The following SEC14L1 variants were observed in gnomAD, a reference collection of about 807,000 sequenced individuals.
SEC14L1 encodes SEC14-like protein 1.
A neutral mutation model predicts 85.3 loss-of-function variants in SEC14L1; 48 were observed. The ratio of observed to expected loss-of-function variants is 0.56; its 90% CI spans 0.45 to 0.72. The LOEUF is 0.72. SEC14L1 is among the 30% of genes least tolerant of loss of function. SEC14L1 has a pLI of 0.00. For missense variants in SEC14L1, 682 were observed against 921.4 expected (o/e 0.74, Z 3.36); for synonymous variants, 391 against 355.5 (o/e 1.10, Z -1.12).
intron 3 of SEC14L1, among the ~76,000 whole-genome samples, chr17:77,147,367 T>C (rs1296257982): frequency 6.8e-6 from 1 of 146,458 alleles, no homozygotes; most frequent in South Asian, 2.2e-4. Flanking sequence ...TTGAGGTCAG[T>C]ACCATTAAAA....
chr17:77,143,309 A>T (rs996618335), intron 2 of SEC14L1, among the ~76,000 whole-genome samples: 1 of 152,200 alleles, frequency 6.6e-6, no homozygotes, highest in South Asian at 2.1e-4. Flanking sequence ...CAGTAAGCCA[A>T]TGAGAGGATT....
intron 3 of SEC14L1, among the ~76,000 whole-genome samples, chr17:77,124,025 G>A (rs1254377569): frequency 3.9e-5 from 6 of 152,236 alleles, no homozygotes; most frequent in Non-Finnish European, 7.3e-5. Context: ...CTCTATGAAA[G>A]CTTCTGCTCC....
At chr17:77,195,886 G>A (rs564564199) in intron 7 of SEC14L1, among the ~76,000 whole-genome samples, 1 of 151,760 alleles carries the variant, frequency 6.6e-6, no homozygotes, top group South Asian at 2.1e-4. Flanking sequence ...TTTGTGTTAT[G>A]TTCCTCTTGG....
chr17:77,144,057 T>G (rs748949483), intron 3 of SEC14L1, among the ~76,000 whole-genome samples: 1 of 152,122 alleles, frequency 6.6e-6, no homozygotes, highest in Non-Finnish European at 1.5e-5. Context: ...TTAGGTGGTG[T>G]TAGAACTGAG....
chr17:77,111,893 G>C (rs1171090508), intron 3 of SEC14L1, among the ~76,000 whole-genome samples: 1 of 152,188 alleles, frequency 6.6e-6, no homozygotes, highest in African/African-American at 2.4e-5. Context: ...AGGCATGATT[G>C]TGTTTTGAAA....
intron 3 of SEC14L1, among the ~76,000 whole-genome samples, chr17:77,123,800 C>T (rs1412876796): frequency 2.6e-5 from 4 of 152,148 alleles, no homozygotes; most frequent in Admixed American, 6.6e-5. Context: ...CCAGCTTCCC[C>T]GGCTTGTGGA....
intron 3 of SEC14L1, among the ~76,000 whole-genome samples, chr17:77,149,396 A>G (rs1426541239): frequency 6.6e-6 from 1 of 152,178 alleles, no homozygotes; most frequent in Non-Finnish European, 1.5e-5. Context: ...TTCAGATCCA[A>G]ACTGTATCTC....
intron 3 of SEC14L1, among the ~76,000 whole-genome samples, chr17:77,114,537 A>T (rs1383719019): frequency 7.0e-6 from 1 of 143,374 alleles, no homozygotes; most frequent in East Asian, 2.1e-4. Context: ...ACAAACAAAC[A>T]AAAAAGGCAG....
chr17:77,113,153 T>C (rs1347579402), intron 3 of SEC14L1, among the ~76,000 whole-genome samples: 2 of 152,116 alleles, frequency 1.3e-5, no homozygotes, highest in Non-Finnish European at 2.9e-5. Context: ...AGCAAGACCT[T>C]GTCTCGAAAA....
intron 8 of SEC14L1, among the ~76,000 whole-genome samples, chr17:77,197,858 A>C (rs1768887230): frequency 6.6e-6 from 1 of 152,206 alleles, no homozygotes; most frequent in South Asian, 2.1e-4. Context: ...CGCCTGCCTT[A>C]GCCTCCCAAA....
At chr17:77,179,828 C>T (rs1567912856) in intron 3 of SEC14L1, among the ~76,000 whole-genome samples, 1 of 151,892 alleles carries the variant, frequency 6.6e-6, no homozygotes, top group Non-Finnish European at 1.5e-5. Flanking sequence ...GCGCCCGCCA[C>T]CACGCCCGGC....
At chr17:77,200,814 T>A in intron 9 of SEC14L1, 141 bp downstream of exon 9, 1 of 798,532 alleles carries the variant, frequency 1.3e-6, no homozygotes, top group Admixed American at 2.8e-5. Flanking sequence ...TTGGCACCTT[T>A]CCCAAGTTGA....
intron 3 of SEC14L1, among the ~76,000 whole-genome samples, chr17:77,135,709 T>A (rs993396727): frequency 5.3e-5 from 8 of 151,988 alleles, no homozygotes; most frequent in East Asian, 1.9e-4. Flanking sequence ...GCTAATTTTT[T>A]AAAAATTGTT....
At chr17:77,189,348 G>T (rs1214739586) in intron 3 of SEC14L1, among the ~76,000 whole-genome samples, 1 of 152,058 alleles carries the variant, frequency 6.6e-6, no homozygotes, top group Non-Finnish European at 1.5e-5. Flanking sequence ...CCCATTTGGG[G>T]GATTTGCTGT....
intron 3 of SEC14L1, among the ~76,000 whole-genome samples, chr17:77,118,113 C>G (rs993888737): frequency 6.6e-6 from 1 of 152,256 alleles, no homozygotes; most frequent in African/African-American, 2.4e-5. Context: ...TCATGCTGTT[C>G]ATGCCAGTGT....
intron 3 of SEC14L1, among the ~76,000 whole-genome samples, chr17:77,102,119 AT>A (rs901164796): frequency 6.6e-6 from 1 of 152,244 alleles, no homozygotes; most frequent in Non-Finnish European, 1.5e-5. Flanking sequence ...AAAGAAAACA[AT>A]TTTATGATTG....
chr17:77,192,713 A>T (rs548544672), intron 5 of SEC14L1, among the ~76,000 whole-genome samples: 2 of 150,864 alleles, frequency 1.3e-5, no homozygotes, highest in South Asian at 4.2e-4. Context: ...CTCAGGCTGG[A>T]GTGCAGTGGA....
At chr17:77,190,592 G>T (rs556231860) in intron 3 of SEC14L1, among the ~76,000 whole-genome samples, 5 of 152,314 alleles carry the variant, frequency 3.3e-5, no homozygotes, top group Admixed American at 2.0e-4. Flanking sequence ...TACTTATGGG[G>T]AGAATTGAGA....
At position 77,190,699 on chromosome 17, in the gene SEC14L1, T is replaced by C. The variant is rs990018406; in HGVS notation, c.64-104T>C. 5.2e-6 allele frequency: 6 copies of C among 1,158,268 alleles called. No individual in the cohort carries two copies. The African/African-American group carries it at 9.2e-5, about 18-fold the overall frequency. The allele number at this position is 1,158,268 out of a possible 1,614,324, so 71.7% of individuals were successfully genotyped here. ...GTGAAGACAGTTGTGGCGCTGCCTG[T>C]TGCCGTGCACCGAGAGGTGCTGTTC... On this transcript the variant is annotated intron_variant, in intron 3 of 16. Transcript: ENST00000436233.
Sources: gnomAD v4.1 joint callset for allele counts (sites outside exome capture counted in the v4.1 genomes callset) on GRCh38, gnomAD v4.1.1 for gene constraint, MANE v1.5 for transcripts, NCBI Gene and HGNC (gene_info 2026-07-23, HGNC 2026-07-21) for gene names.